The following PRKG1 variants were observed in gnomAD, a reference collection of about 807,000 sequenced individuals.
PRKG1 encodes protein kinase cGMP-dependent 1.
Under a neutral mutation model 88.1 loss-of-function variants are expected in PRKG1, and 35 were observed. The observed-to-expected ratio is 0.40, with a 90% confidence interval of 0.30 to 0.53. The LOEUF (loss-of-function observed/expected upper bound fraction) is 0.53. Ranked by LOEUF, PRKG1 falls within the 20% of genes least tolerant of loss-of-function variation. PRKG1 has a pLI of 0.59. For synonymous variants in PRKG1, 303 were observed against 292.5 expected (o/e 1.04, Z -0.37); for missense variants, 540 against 839.8 (o/e 0.64, Z 4.41).
At chr10:50,994,553 T>G (rs1842815199) in intron 1 of PRKG1, among the ~76,000 whole-genome samples, 1 of 151,942 alleles carries the variant, frequency 6.6e-6, no homozygotes, top group Admixed American at 6.6e-5. Flanking sequence ...CCTCACCTGT[T>G]TTTTGTAAAA....
intron 3 of PRKG1, among the ~76,000 whole-genome samples, chr10:51,767,680 C>A (rs1425554840): frequency 1.3e-5 from 2 of 152,058 alleles, no homozygotes; most frequent in African/African-American, 4.8e-5. Flanking sequence ...ACCTCCAAAG[C>A]TCATGAAAGC....
chr10:51,998,786 C>A (rs1008284039), intron 5 of PRKG1, among the ~76,000 whole-genome samples: 2 of 152,140 alleles, frequency 1.3e-5, no homozygotes, highest in Non-Finnish European at 2.9e-5. Context: ...AAGCATTCAG[C>A]ATCTTTTAAA....
chr10:51,574,470 C>T (rs908099234), intron 3 of PRKG1, among the ~76,000 whole-genome samples: 1 of 152,020 alleles, frequency 6.6e-6, no homozygotes, highest in East Asian at 1.9e-4. Context: ...CAAACCATGT[C>T]ATATCTCTAA....
intron 3 of PRKG1, chr10:51,698,450 G>A (rs1332974954): frequency 6.2e-7 from 1 of 1,614,000 alleles, no homozygotes; most frequent in African/African-American, 1.3e-5. Flanking sequence ...ATGACCAGAG[G>A]CATGATGCAT....
At chr10:51,873,009 T>G (rs866979816) in intron 4 of PRKG1, among the ~76,000 whole-genome samples, 6 of 152,156 alleles carry the variant, frequency 3.9e-5, no homozygotes, top group African/African-American at 1.4e-4. Flanking sequence ...TATAGTTATA[T>G]CTGCACCATT....
Position 50,991,546 on chromosome 10 carries a change from C to A in PRKG1, c.168C>A (p.Pro56=). Reference sequence around the variant, plus strand: ...CAGTGCCCTCGACCCACATCGGCCCCCGGACCACCCGGGCGCAGGGCATCT... The same window carrying A: ...CAGTGCCCTCGACCCACATCGGCCCACGGACCACCCGGGCGCAGGGCATCT... The change falls in exon 1 of 18, where the codon CCC becomes CCA. Residue 56 remains proline, a synonymous_variant. Coordinates refer to the PRKG1 transcript ENST00000401604. The surrounding 1 kb of genome is among the most constrained non-coding windows in gnomAD (Gnocchi z 4.5). The A allele has an allele frequency of 1.9e-6, 3 of 1,609,518 alleles. No individual in the cohort carries two copies. Among genetic ancestry groups the A allele is most frequent in the Non-Finnish European group, 2.5e-6 (3 of 1,178,468 alleles).
chr10:51,824,869 C>A (rs1344996391), intron 4 of PRKG1, among the ~76,000 whole-genome samples: 1 of 152,150 alleles, frequency 6.6e-6, no homozygotes, highest in Non-Finnish European at 1.5e-5. Context: ...TCAAACACCT[C>A]CCATCAGGCC....
At chr10:51,721,687 C>A (rs892848342) in intron 3 of PRKG1, among the ~76,000 whole-genome samples, 2 of 152,154 alleles carry the variant, frequency 1.3e-5, no homozygotes, top group African/African-American at 4.8e-5. Context: ...ATATTTTAAT[C>A]TGCTGTGTAG....
intron 3 of PRKG1, among the ~76,000 whole-genome samples, chr10:51,501,376 C>T (rs922840342): frequency 4.6e-5 from 7 of 152,116 alleles, no homozygotes; most frequent in South Asian, 2.1e-4. Flanking sequence ...ATCATAATTT[C>T]GAAGTTCAGG....
At chr10:52,147,196 T>C (rs1325447010) in intron 8 of PRKG1, among the ~76,000 whole-genome samples, 1 of 152,074 alleles carries the variant, frequency 6.6e-6, no homozygotes, top group Non-Finnish European at 1.5e-5. Flanking sequence ...ACAAGGTACC[T>C]AAAGAAAGGG....
chr10:51,440,839 G>A (rs1839083829), intron 2 of PRKG1, among the ~76,000 whole-genome samples: 1 of 151,802 alleles, frequency 6.6e-6, no homozygotes, highest in African/African-American at 2.4e-5. Context: ...TTACGAGAGA[G>A]CAACTAAAAC....
Position 51,707,489 on chromosome 10 carries a change from C to T in PRKG1, c.593-97096C>T, listed in dbSNP as rs568668518. Among the ~76,000 whole-genome samples, 36 of 152,230 alleles carry T rather than the reference C, an allele frequency of 2.4e-4. No individual in the cohort carries two copies. The South Asian group carries it at 3.3e-3, about 14-fold the overall frequency. ...CTTATTCGTGCTTCAGGCTGTCACCCGAAGGAACGCAGAAGTATCCTCATA... is the reference window on the plus strand; with the variant it reads ...CTTATTCGTGCTTCAGGCTGTCACCTGAAGGAACGCAGAAGTATCCTCATA... On this transcript the variant is annotated intron_variant, in intron 3 of 17. Transcript: ENST00000373980.
intron 2 of PRKG1, among the ~76,000 whole-genome samples, chr10:51,182,123 T>C (rs1338041244): frequency 6.6e-6 from 1 of 152,204 alleles, no homozygotes; most frequent in Non-Finnish European, 1.5e-5. Flanking sequence ...GACATACCTC[T>C]GGTATATAAC....
chr10:51,942,816 C>G (rs1211588298), intron 5 of PRKG1, among the ~76,000 whole-genome samples: 23 of 150,086 alleles, frequency 1.5e-4, no homozygotes, highest in Admixed American at 2.0e-4. Context: ...ATCTATATCT[C>G]TGTTTTGGTA....
intron 17 of PRKG1, among the ~76,000 whole-genome samples, chr10:52,291,255 T>TC (rs2132464382): frequency 8.8e-5 from 1 of 11,326 alleles, no homozygotes; most frequent in African/African-American, 3.4e-3. Context: ...TATTTTTTTA[T>TC]TTTTTTATTA....
At chr10:51,656,281 G>A (rs149247395) in intron 3 of PRKG1, among the ~76,000 whole-genome samples, 3 of 152,220 alleles carry the variant, frequency 2.0e-5, no homozygotes, top group African/African-American at 7.2e-5. Flanking sequence ...AGTGTAGTAG[G>A]CAATGAACCA....
chr10:52,282,434 C>G, intron 14 of PRKG1, 118 bp downstream of exon 14: 1 of 1,033,884 alleles, frequency 9.7e-7, no homozygotes, highest in East Asian at 2.7e-5. Flanking sequence ...CTTGGTACCA[C>G]AGTTTAATTA....
chr10:52,233,586 G>A (rs1404463592), intron 9 of PRKG1, among the ~76,000 whole-genome samples: 64 of 147,464 alleles, frequency 4.3e-4, no homozygotes, highest in Non-Finnish European at 7.1e-4. Flanking sequence ...ACTCCCACCC[G>A]AATATTGCGC....
intron 2 of PRKG1, among the ~76,000 whole-genome samples, chr10:51,318,380 G>A (rs756591569): frequency 6.6e-6 from 1 of 152,104 alleles, no homozygotes; most frequent in Non-Finnish European, 1.5e-5. Flanking sequence ...AAATAAAATG[G>A]TACATGTAAA....
Sources: allele counts gnomAD v4.1 joint callset (sites outside exome capture counted in the v4.1 genomes callset), GRCh38; gene constraint gnomAD v4.1.1; non-coding constraint Gnocchi (gnomAD v3.1); transcripts MANE v1.5; gene names NCBI Gene and HGNC (gene_info 2026-07-23, HGNC 2026-07-21).